USP43: variants seen among roughly 807,000 people sequenced by gnomAD.
The protein encoded by USP43 is ubiquitin carboxyl-terminal hydrolase 43.
Under a neutral mutation model 90.7 loss-of-function variants are expected in USP43, and 33 were observed. The ratio of observed to expected loss-of-function variants is 0.36; its 90% CI spans 0.28 to 0.49. The LOEUF (loss-of-function observed/expected upper bound fraction) is 0.49. Among genes scored for constraint, USP43 ranks in the 20% least tolerant of loss-of-function variants. USP43 has a pLI of 0.98. For synonymous variants in USP43, 598 were observed against 615.8 expected, an observed-to-expected ratio of 0.97 and a Z score of 0.43; for missense variants, 1,274 against 1,476.4, an observed-to-expected ratio of 0.86 and a Z score of 2.25.
At chr17:9,665,409 G>T (rs757248710) in intron 2 of USP43, among the ~76,000 whole-genome samples, 2 of 152,124 alleles carry the variant, frequency 1.3e-5, no homozygotes, top group Non-Finnish European at 2.9e-5. Context: ...TGGTGGAAGG[G>T]GAAGCAGGCA....
chr17:9,653,538 A>G (rs551802688), intron 1 of USP43, among the ~76,000 whole-genome samples: 2 of 152,262 alleles, frequency 1.3e-5, no homozygotes, highest in African/African-American at 4.8e-5. Context: ...CAGTGAGCCA[A>G]GGTCGTGCCA....
intron 9 of USP43, among the ~76,000 whole-genome samples, chr17:9,695,997 C>A (rs113397382): frequency 3.3e-5 from 5 of 152,084 alleles, no homozygotes; most frequent in Non-Finnish European, 7.3e-5. Context: ...ATGTATACAC[C>A]ACCTAGAAAT....
chr17:9,645,730 T>C lies in USP43; in HGVS notation c.98T>C (p.Leu33Pro). The change falls in exon 1 of 15, where the codon CTG (leucine) becomes CCG (proline). Residue 33 changes from leucine to proline, a missense_variant. Physicochemically the swap from Leu to Pro is moderately conservative, Grantham distance 98. Coordinates refer to ENST00000285199, the MANE Select transcript of USP43 (RefSeq NM_153210.5). The surrounding 1 kb of genome is among the most constrained non-coding windows in gnomAD (Gnocchi z 6.8). The stretch of plus-strand genomic sequence containing the variant: ...CGCCGCCTGTTCAGCCGCTTCCTGC[T>C]GGCGCTGGGCAGCCGCTCACGCCCC... ...SLRRLFSRFLLALGSRSRPGD... is the reference protein window; with the variant it reads ...SLRRLFSRFLPALGSRSRPGD... 7.3e-7 allele frequency: 1 copy of C among 1,366,184 alleles called. No individual in the cohort carries two copies. The highest frequency in any genetic ancestry group is 3.5e-5 in the Admixed American group (1 of 28,936). 84.6% of individuals were successfully genotyped at this position (1,366,184 alleles called of 1,614,324 possible).
chr17:9,715,947 CT>C (rs1362218072), intron 14 of USP43, among the ~76,000 whole-genome samples: 3 of 145,944 alleles, frequency 2.1e-5, no homozygotes, highest in African/African-American at 5.1e-5. Flanking sequence ...TTCTGTGTGT[CT>C]ATGTGTATGT....
Position 9,712,336 on chromosome 17 carries a change from A to G in USP43, c.2335+204A>G, listed in dbSNP as rs538657091. Among the ~76,000 whole-genome samples the G allele has an allele frequency of 4.6e-5, 7 of 152,080 alleles. No homozygotes were observed. In the South Asian group the frequency reaches 1.5e-3, roughly 32 times the overall value. ...CATCCTCTACCCTCCAGCCACAGGTACCTTTTCTCTGCCCCCGTGTAGCTT... is the reference window on the plus strand; with the variant it reads ...CATCCTCTACCCTCCAGCCACAGGTGCCTTTTCTCTGCCCCCGTGTAGCTT... On this transcript the variant is annotated intron_variant, in intron 14 of 14. Coordinates refer to ENST00000285199, the MANE Select transcript of USP43 (RefSeq NM_153210.5).
chr17:9,647,228 C>T (rs1362906880), intron 1 of USP43, among the ~76,000 whole-genome samples: 2 of 151,970 alleles, frequency 1.3e-5, no homozygotes, highest in Non-Finnish European at 2.9e-5. Context: ...AGTTTCAGCC[C>T]GAGAAAGCAG....
chr17:9,697,797 G>A (rs536508653), intron 9 of USP43, among the ~76,000 whole-genome samples: 9 of 151,942 alleles, frequency 5.9e-5, no homozygotes, highest in South Asian at 4.1e-4. Flanking sequence ...TGTGACAAAC[G>A]TGTGAGTGCA....
At chr17:9,711,910 C>T (rs759727138) in intron 13 of USP43, 58 bp from the exon 14 acceptor site, 160 of 1,500,580 alleles carry the variant, frequency 1.1e-4, no homozygotes, top group Non-Finnish European at 1.4e-4. Context: ...AGATGCTCCG[C>T]TAGGACTCTG....
intron 13 of USP43, among the ~76,000 whole-genome samples, chr17:9,711,733 T>C (rs1355452304): frequency 6.6e-6 from 1 of 152,162 alleles, no homozygotes; most frequent in Non-Finnish European, 1.5e-5. Context: ...GCCCAGCCCA[T>C]GCTTTCCTTT....
At chr17:9,657,917 G>C (rs200259855) in intron 2 of USP43, among the ~76,000 whole-genome samples, 1 of 112,436 alleles carries the variant, frequency 8.9e-6, no homozygotes, top group African/African-American at 4.7e-5. Context: ...TGTAATAGAA[G>C]AGAAGTTTCA....
In USP43 at chr17:9,674,621, A is replaced by G. The variant is rs1298574985; in HGVS notation, c.741-270A>G. Among the ~76,000 whole-genome samples the G allele has an allele frequency of 1.3e-5, 2 of 152,156 alleles. No homozygotes were observed. The highest frequency in any genetic ancestry group is 2.9e-5 in the Non-Finnish European group (2 of 68,034). ...AGGGGTTCATTCCTTTCTATGGCTG[A>G]GTTGTACTCTACTATGTGGACGTAT... On this transcript the variant is annotated intron_variant, in intron 3 of 14. Transcript: ENST00000285199. This position sits in a 1 kb window ranked among gnomAD's most constrained non-coding sequence, Gnocchi z 4.4.
intron 2 of USP43, among the ~76,000 whole-genome samples, chr17:9,660,160 CT>C (rs1326119610): frequency 1.3e-5 from 2 of 151,838 alleles, no homozygotes; most frequent in Non-Finnish European, 2.9e-5. Flanking sequence ...GGCAATAATT[CT>C]TTTTTTTGAG....
At chr17:9,707,887 G>A (rs960527329) in intron 12 of USP43, among the ~76,000 whole-genome samples, 1 of 152,102 alleles carries the variant, frequency 6.6e-6, no homozygotes, top group Non-Finnish European at 1.5e-5. Context: ...CTGCCCTCAT[G>A]GGACTTCAGT....
chr17:9,656,691 A>T (rs1459254986), intron 2 of USP43, among the ~76,000 whole-genome samples, 157 bp downstream of exon 2: 1 of 152,124 alleles, frequency 6.6e-6, no homozygotes, highest in Non-Finnish European at 1.5e-5. Context: ...TCCTTCTCTT[A>T]GCTGTGTTTG....
rs115167982 is a variant in USP43, at chr17:9,652,210, C to T, written c.505-4193C>T. On this transcript the variant is annotated intron_variant, in intron 1 of 14. Transcript: ENST00000285199. ...CCTGGTCAACACAGCAAGCCCTTAGCGCAAAAAAAAAAAAAAAAAGAAAAG... is the reference window on the plus strand; with the variant it reads ...CCTGGTCAACACAGCAAGCCCTTAGTGCAAAAAAAAAAAAAAAAAGAAAAG... Among the ~76,000 whole-genome samples the T allele has an allele frequency of 8.3e-3, 881 of 106,022 alleles. 6 individuals are homozygous for T. The highest frequency in any genetic ancestry group is 0.041 in the African/African-American group (828 of 20,158). The allele number at this position is 106,022 out of a possible 152,430, so 69.6% of individuals were successfully genotyped here.
intron 8 of USP43, among the ~76,000 whole-genome samples, chr17:9,692,333 T>C (rs1377039713): frequency 6.6e-6 from 1 of 152,182 alleles, no homozygotes; most frequent in African/African-American, 2.4e-5. Context: ...CACTCCAGCC[T>C]GGGCGACAGA....
At chr17:9,692,021 G>A (rs1031363483) in intron 8 of USP43, among the ~76,000 whole-genome samples, 22 of 151,196 alleles carry the variant, frequency 1.5e-4, no homozygotes, top group Non-Finnish European at 2.8e-4. Context: ...CAGCCTGGGC[G>A]ACAGAGCGAG....
intron 9 of USP43, among the ~76,000 whole-genome samples, chr17:9,694,950 G>T (rs1049502423): frequency 1.3e-5 from 2 of 152,076 alleles, no homozygotes; most frequent in Admixed American, 1.3e-4. Context: ...AAAAGTGTTG[G>T]TCTGCAGTGG....
intron 12 of USP43, among the ~76,000 whole-genome samples, chr17:9,706,630 A>ATTTT (rs1915890451): frequency 8.2e-6 from 1 of 122,372 alleles, no homozygotes; most frequent in Non-Finnish European, 1.7e-5. Context: ...ATCAGATATT[A>ATTTT]ATTTTTTTTT....
Sources: gnomAD v4.1 joint callset for allele counts (sites outside exome capture counted in the v4.1 genomes callset) on GRCh38, gnomAD v4.1.1 for gene constraint, Gnocchi (gnomAD v3.1) non-coding constraint, MANE v1.5 for transcripts, NCBI Gene and HGNC (gene_info 2026-07-23, HGNC 2026-07-21) for gene names.